The following RPRD1A variants were observed in gnomAD, a reference collection of about 807,000 sequenced individuals.
The protein encoded by RPRD1A is regulation of nuclear pre-mRNA domain containing 1A.
RPRD1A carries 9 observed loss-of-function variants against 37.8 expected under a neutral mutation model. The observed-to-expected ratio is 0.24, with a 90% confidence interval of 0.14 to 0.42. The LOEUF (loss-of-function observed/expected upper bound fraction) is 0.42. Among genes scored for constraint, RPRD1A ranks in the 10% least tolerant of loss-of-function variants. RPRD1A has a pLI of 1.00. For missense variants in RPRD1A, 255 were observed against 371.0 expected (o/e 0.69, Z 2.57); for synonymous variants, 138 against 139.7 (o/e 0.99, Z 0.08).
intron 6 of RPRD1A, among the ~76,000 whole-genome samples, chr18:36,017,853 C>T (rs1910701875): frequency 6.6e-6 from 1 of 152,152 alleles, no homozygotes; most frequent in East Asian, 1.9e-4. Context: ...CTGTAGCTCC[C>T]GCTCTTCCAC....
At chr18:36,021,591 G>A (rs970057564) in intron 6 of RPRD1A, among the ~76,000 whole-genome samples, 5 of 152,186 alleles carry the variant, frequency 3.3e-5, no homozygotes, top group Admixed American at 6.5e-5. Context: ...AGCTAGAAGT[G>A]ATGAAGTTTA....
intron 6 of RPRD1A, among the ~76,000 whole-genome samples, chr18:35,995,543 C>T (rs1238777233): frequency 6.6e-6 from 1 of 152,154 alleles, no homozygotes; most frequent in African/African-American, 2.4e-5. Context: ...GCTGGGATTA[C>T]AGGCATGAGC....
intron 1 of RPRD1A, among the ~76,000 whole-genome samples, chr18:36,045,253 T>C (rs896843601): frequency 6.6e-5 from 10 of 151,896 alleles, no homozygotes; most frequent in African/African-American, 2.4e-4. Context: ...AATAAAAATA[T>C]ATATTAAAAA....
intron 6 of RPRD1A, chr18:36,025,331 T>C (rs1911288057): frequency 3.6e-6 from 1 of 280,820 alleles, no homozygotes; most frequent in Non-Finnish European, 6.9e-6. Flanking sequence ...GTGCCTAGAA[T>C]AGTACCTGAC....
chr18:36,016,837 A>C (rs960645227), intron 6 of RPRD1A, among the ~76,000 whole-genome samples: 4 of 152,212 alleles, frequency 2.6e-5, no homozygotes, highest in African/African-American at 9.6e-5. Context: ...AATCACATGA[A>C]AATTTTTATA....
chr18:36,034,566 A>G (rs1225727304), intron 1 of RPRD1A, among the ~76,000 whole-genome samples: 1 of 152,210 alleles, frequency 6.6e-6, no homozygotes, highest in Admixed American at 6.5e-5. Flanking sequence ...AAGATTATAC[A>G]TAAGGAAAAC....
intron 6 of RPRD1A, among the ~76,000 whole-genome samples, chr18:35,995,805 T>C (rs1166813941): frequency 2.0e-5 from 3 of 152,214 alleles, no homozygotes; most frequent in Non-Finnish European, 2.9e-5. Flanking sequence ...CTATCAACAC[T>C]ATCACTCAGG....
chr18:36,039,566 T>C (rs116644682), intron 1 of RPRD1A, among the ~76,000 whole-genome samples: 176 of 152,350 alleles, frequency 1.2e-3, no homozygotes, highest in African/African-American at 4.1e-3. Flanking sequence ...CATAATCAGT[T>C]CATAGTTTTA....
chr18:36,015,768 C>A (rs561974914), intron 6 of RPRD1A, among the ~76,000 whole-genome samples: 127 of 152,166 alleles, frequency 8.3e-4, no homozygotes, highest in African/African-American at 3.0e-3. Flanking sequence ...CCGGAATAGC[C>A]AAATTCAGAG....
At chr18:36,036,909 CTA>C (rs1198792805) in intron 1 of RPRD1A, among the ~76,000 whole-genome samples, 3 of 152,104 alleles carry the variant, frequency 2.0e-5, no homozygotes, top group South Asian at 2.1e-4. Context: ...TAGTTAATTC[CTA>C]TGTTTCTGTT....
At chr18:36,058,724 AAC>A (rs1913965203) in intron 1 of RPRD1A, among the ~76,000 whole-genome samples, 2 of 152,326 alleles carry the variant, frequency 1.3e-5, no homozygotes, top group South Asian at 4.1e-4. Flanking sequence ...CTTCTCAGCC[AAC>A]AGTCTGTGGA....
intron 6 of RPRD1A, among the ~76,000 whole-genome samples, chr18:36,010,096 T>C (rs964019738): frequency 9.9e-5 from 15 of 152,176 alleles, no homozygotes; most frequent in African/African-American, 3.6e-4. Flanking sequence ...AGTTATTTAA[T>C]ATAAGGACAG....
intron 1 of RPRD1A, 45 bp from the exon 2 acceptor site, chr18:36,033,882 C>G (rs1410675896): frequency 1.3e-6 from 2 of 1,516,976 alleles, no homozygotes; most frequent in Admixed American, 3.8e-5. Context: ...AACATCTTTA[C>G]TTGGACAAAC....
At chr18:36,052,258 A>C (rs1913451697) in intron 1 of RPRD1A, among the ~76,000 whole-genome samples, 1 of 152,046 alleles carries the variant, frequency 6.6e-6, no homozygotes, top group Non-Finnish European at 1.5e-5. Context: ...AAAAGCTGAC[A>C]GAGTTTGTTA....
At chr18:36,043,873 C>T (rs780222823) in intron 1 of RPRD1A, among the ~76,000 whole-genome samples, 27 of 152,112 alleles carry the variant, frequency 1.8e-4, no homozygotes, top group Non-Finnish European at 3.7e-4. Flanking sequence ...AGGGGTCCAA[C>T]GCCCTGTGCA....
intron 6 of RPRD1A, among the ~76,000 whole-genome samples, chr18:36,006,629 T>C (rs941209530): frequency 3.3e-5 from 5 of 152,180 alleles, no homozygotes; most frequent in Non-Finnish European, 7.3e-5. Flanking sequence ...TAATAAGCTA[T>C]TGGAGGCTTC....
In RPRD1A at chr18:36,010,873, T is replaced by A. The variant is rs1336774574; in HGVS notation, c.789+16027A>T. 2.6e-5 allele frequency among the ~76,000 whole-genome samples: 4 copies of A among 152,174 alleles called. No individual in the cohort carries two copies. In the South Asian group the frequency reaches 8.3e-4, roughly 32 times the overall value. ...TAGGCTTGACTCAGATAAGCCAGAA[T>A]CTCAAAAAACTGATTCAACATATTG... On this transcript the variant is annotated intron_variant, in intron 6 of 6. Transcript: ENST00000399022.
At chr18:36,057,688 G>C (rs1913891084) in intron 1 of RPRD1A, among the ~76,000 whole-genome samples, 2 of 152,192 alleles carry the variant, frequency 1.3e-5, no homozygotes, top group African/African-American at 4.8e-5. Context: ...CTTATGAACA[G>C]AAATGTTCAA....
chr18:36,006,670 C>G (rs868311537), intron 6 of RPRD1A, among the ~76,000 whole-genome samples: 56 of 152,274 alleles, frequency 3.7e-4, no homozygotes, highest in Middle Eastern at 3.4e-3. Context: ...AAAAGGGAGT[C>G]CCCCATCCCC....
Sources: gnomAD v4.1 joint callset for allele counts (sites outside exome capture counted in the v4.1 genomes callset) on GRCh38, gnomAD v4.1.1 for gene constraint, MANE v1.5 for transcripts, NCBI Gene and HGNC (gene_info 2026-07-23, HGNC 2026-07-21) for gene names.